The following B3GALT1 variants were observed in gnomAD, a reference collection of about 807,000 sequenced individuals.
B3GALT1 encodes the protein UDP-Gal:betaGlcNAc beta 1,3-galactosyltransferase, polypeptide 1.
In B3GALT1, 10 loss-of-function variants were observed where a neutral mutation model predicts 23.2. The ratio of observed to expected loss-of-function variants is 0.43; its 90% CI spans 0.27 to 0.73. The LOEUF (loss-of-function observed/expected upper bound fraction) is 0.73. B3GALT1 is among the 30% of genes least tolerant of loss of function. The probability of loss-of-function intolerance (pLI) is 0.21; values close to 1 mark genes in which losing one functional copy is unlikely to be tolerated. For synonymous variants in B3GALT1, 156 were observed against 141.5 expected (o/e 1.10, Z -0.73); for missense variants, 299 against 405.4 (o/e 0.74, Z 2.25).
intron 3 of B3GALT1, among the ~76,000 whole-genome samples, chr2:167,734,449 G>A (rs920701659): frequency 4.6e-5 from 7 of 152,138 alleles, no homozygotes; most frequent in Non-Finnish European, 8.8e-5. Context: ...TTCTGTGGAC[G>A]TGGTCTGAGT....
intron 3 of B3GALT1, among the ~76,000 whole-genome samples, chr2:167,773,113 T>G (rs1228351029): frequency 6.6e-6 from 1 of 152,190 alleles, no homozygotes; most frequent in African/African-American, 2.4e-5. Context: ...TTTAATTCAA[T>G]AAGTGTTTTT....
chr2:167,434,540 A>G (rs62194953), intron 1 of B3GALT1, among the ~76,000 whole-genome samples: 1 of 134,220 alleles, frequency 7.5e-6, no homozygotes, highest in Admixed American at 7.7e-5. Context: ...AAAAAAAAAA[A>G]CCCACATAAC....
At chr2:167,823,266 C>T (rs1421116640) in intron 4 of B3GALT1, among the ~76,000 whole-genome samples, 1 of 152,170 alleles carries the variant, frequency 6.6e-6, no homozygotes, top group Non-Finnish European at 1.5e-5. Context: ...TTATTTGTTA[C>T]AGCTGCTGGT....
intron 1 of B3GALT1, among the ~76,000 whole-genome samples, chr2:167,348,269 A>G (rs1697256032): frequency 6.6e-6 from 1 of 152,196 alleles, no homozygotes; most frequent in South Asian, 2.1e-4. Context: ...CCATTTAACC[A>G]GTTGTATCCA....
intron 1 of B3GALT1, among the ~76,000 whole-genome samples, chr2:167,400,235 C>G (rs1031511405): frequency 6.7e-6 from 1 of 150,062 alleles, no homozygotes; most frequent in South Asian, 2.1e-4. Context: ...TTTCCTCATT[C>G]ATTCTGCTCG....
In B3GALT1 at chr2:167,871,200, G is replaced by C. The variant is rs532159157; in HGVS notation, c.*1180G>C. On this transcript the variant is annotated 3_prime_UTR_variant, in exon 5 of 5. Coordinates refer to ENST00000392690, the MANE Select transcript of B3GALT1 (RefSeq NM_020981.4). ...TTATTGGGCCATATGAGTAGGCATCGTAATCTTGTGCTTCAATGTGTTCAT... is the reference window on the plus strand; with the variant it reads ...TTATTGGGCCATATGAGTAGGCATCCTAATCTTGTGCTTCAATGTGTTCAT... The C allele has an allele frequency of 6.6e-6, 1 of 152,128 alleles. No individual in the cohort carries two copies. The highest frequency in any genetic ancestry group is 1.9e-4 in the East Asian group (1 of 5,192). The allele number at this position is 152,128 out of a possible 1,614,324, so 9.4% of individuals were successfully genotyped here.
chr2:167,673,132 C>G lies in B3GALT1; in HGVS notation c.-352+26166C>G, dbSNP rs539376375. On this transcript the variant is annotated intron_variant, in intron 3 of 4. Coordinates refer to ENST00000392690, the MANE Select transcript of B3GALT1 (RefSeq NM_020981.4). ...ATTCCTATGATAAGGCATGGGAGAA[C>G]GTTATAGAGCATCAAGGTGGGAAAG... Among the ~76,000 whole-genome samples the G allele has an allele frequency of 1.8e-4, 28 of 151,858 alleles. No individual in the cohort carries two copies. In the South Asian group the frequency reaches 5.6e-3, roughly 30 times the overall value.
chr2:167,355,145 TC>T (rs1697380557), intron 1 of B3GALT1, among the ~76,000 whole-genome samples: 1 of 152,236 alleles, frequency 6.6e-6, no homozygotes, highest in South Asian at 2.1e-4. Flanking sequence ...TATAAAGTGG[TC>T]ATTAAGCATA....
At chr2:167,764,193 A>G (rs2105301427) in intron 3 of B3GALT1, among the ~76,000 whole-genome samples, 1 of 152,280 alleles carries the variant, frequency 6.6e-6, no homozygotes, top group East Asian at 1.9e-4. Context: ...CCTTCACAAA[A>G]GTTTTCTGGT....
chr2:167,827,799 G>T (rs1404010952), intron 4 of B3GALT1, among the ~76,000 whole-genome samples: 1 of 152,132 alleles, frequency 6.6e-6, no homozygotes, highest in Non-Finnish European at 1.5e-5. Context: ...GGTTTGTTGG[G>T]GTTGAGATTG....
chr2:167,483,116 A>C (rs1481770443), intron 1 of B3GALT1, among the ~76,000 whole-genome samples: 1 of 151,932 alleles, frequency 6.6e-6, no homozygotes, highest in Admixed American at 6.6e-5. Context: ...CAACATGGAG[A>C]AACCCCCTCT....
intron 1 of B3GALT1, among the ~76,000 whole-genome samples, chr2:167,446,104 A>G (rs969120610): frequency 4.6e-5 from 7 of 152,190 alleles, no homozygotes; most frequent in African/African-American, 1.7e-4. Context: ...AAAGGATTCT[A>G]TTTCTCCTTC....
chr2:167,340,335 AC>A (rs1697128003), intron 1 of B3GALT1, among the ~76,000 whole-genome samples: 3 of 140,632 alleles, frequency 2.1e-5, no homozygotes, highest in African/African-American at 7.8e-5. Flanking sequence ...AAAAAAAAAA[AC>A]AGAGCTTTTG....
intron 3 of B3GALT1, among the ~76,000 whole-genome samples, chr2:167,683,247 A>G (rs2105494613): frequency 6.6e-6 from 1 of 152,252 alleles, no homozygotes; most frequent in Non-Finnish European, 1.5e-5. Flanking sequence ...GTACTTCTTT[A>G]TATTACAGGG....
intron 2 of B3GALT1, among the ~76,000 whole-genome samples, chr2:167,572,505 A>C (rs1305028031): frequency 6.6e-6 from 1 of 151,854 alleles, no homozygotes; most frequent in Non-Finnish European, 1.5e-5. Flanking sequence ...AATTTGCCAC[A>C]AACTGTAAGC....
chr2:167,734,165 G>A (rs1687456048), intron 3 of B3GALT1, among the ~76,000 whole-genome samples: 1 of 152,136 alleles, frequency 6.6e-6, no homozygotes, highest in Non-Finnish European at 1.5e-5. Context: ...AATATTGGTT[G>A]CTATAAAAAT....
chr2:167,829,008 A>G (rs990460904), intron 4 of B3GALT1, among the ~76,000 whole-genome samples: 4 of 152,224 alleles, frequency 2.6e-5, no homozygotes, highest in African/African-American at 9.6e-5. Context: ...AACGTTTACC[A>G]AAAGTACGGT....
intron 2 of B3GALT1, among the ~76,000 whole-genome samples, chr2:167,564,454 A>T (rs916324305): frequency 6.6e-6 from 1 of 151,668 alleles, no homozygotes; most frequent in Non-Finnish European, 1.5e-5. Flanking sequence ...CACCTCCCAG[A>T]CGGGGTGGCG....
In B3GALT1 at chr2:167,415,918, G is replaced by A. The variant is rs373722806; in HGVS notation, c.-510-74259G>A. On this transcript the variant is annotated intron_variant, in intron 1 of 4. Transcript: ENST00000392690. ...TAAGCAGCAAACCATTCAGGCTGCT[G>A]CATGACTACTTTTAACCACTTACAT... Among the ~76,000 whole-genome samples the A allele has an allele frequency of 5.7e-4, 87 of 152,182 alleles. 1 individual carries two copies. The South Asian group carries it at 0.018, about 31-fold the overall frequency.
Sources: allele counts gnomAD v4.1 joint callset (sites outside exome capture counted in the v4.1 genomes callset), GRCh38; gene constraint gnomAD v4.1.1; transcripts MANE v1.5; gene names NCBI Gene and HGNC (gene_info 2026-07-23, HGNC 2026-07-21).